The following PLXDC2 variants were observed in gnomAD, a reference collection of about 807,000 sequenced individuals.
PLXDC2 encodes plexin domain containing 2.
Under a neutral mutation model 68.9 loss-of-function variants are expected in PLXDC2, and 40 were observed. The observed-to-expected ratio is 0.58, with a 90% CI of 0.45 to 0.76. The LOEUF is 0.76. Ranked by LOEUF, PLXDC2 falls within the 30% of genes least tolerant of loss-of-function variation. PLXDC2 has a pLI of 0.00. For synonymous variants in PLXDC2, 243 were observed against 234.2 expected, an observed-to-expected ratio of 1.04 and a Z score of -0.34; for missense variants, 644 against 661.9, an observed-to-expected ratio of 0.97 and a Z score of 0.30.
At chr10:20,157,973 A>G (rs1035147120) in intron 6 of PLXDC2, among the ~76,000 whole-genome samples, 4 of 152,164 alleles carry the variant, frequency 2.6e-5, no homozygotes, top group African/African-American at 9.7e-5. Flanking sequence ...GCGATTCAAT[A>G]CAGATCATAC....
intron 6 of PLXDC2, among the ~76,000 whole-genome samples, chr10:20,156,672 A>T (rs4518993): frequency 3.3e-5 from 5 of 151,982 alleles, no homozygotes; most frequent in Non-Finnish European, 7.4e-5. Flanking sequence ...AGATGGGGGC[A>T]GGAGGCATGT....
At chr10:19,954,032 C>T (rs1156262863) in intron 1 of PLXDC2, among the ~76,000 whole-genome samples, 1 of 151,968 alleles carries the variant, frequency 6.6e-6, no homozygotes, top group Non-Finnish European at 1.5e-5. Flanking sequence ...TAGTAATTTA[C>T]AGCAGTGATA....
chr10:20,211,832 T>C, intron 10 of PLXDC2, 103 bp downstream of exon 10: 1 of 1,084,998 alleles, frequency 9.2e-7, no homozygotes, highest in South Asian at 1.8e-5. Context: ...TAAAACTTAA[T>C]GAAAGGAGAA....
chr10:19,950,620 T>C (rs1242710841), intron 1 of PLXDC2, among the ~76,000 whole-genome samples: 1 of 152,212 alleles, frequency 6.6e-6, no homozygotes, highest in African/African-American at 2.4e-5. Flanking sequence ...AAACTACCAA[T>C]GACATTTTTG....
intron 2 of PLXDC2, among the ~76,000 whole-genome samples, chr10:20,030,236 A>G (rs903813579): frequency 6.6e-6 from 1 of 152,090 alleles, no homozygotes; most frequent in Non-Finnish European, 1.5e-5. Context: ...ACAACAAAAA[A>G]CTGGATGGCA....
chr10:19,885,910 T>C (rs1837837547), intron 1 of PLXDC2, among the ~76,000 whole-genome samples: 1 of 152,116 alleles, frequency 6.6e-6, no homozygotes, highest in Non-Finnish European at 1.5e-5. Flanking sequence ...GGTAGCTTGA[T>C]GGGGATGGCA....
At chr10:20,038,024 G>A (rs562064051) in intron 2 of PLXDC2, among the ~76,000 whole-genome samples, 1 of 152,106 alleles carries the variant, frequency 6.6e-6, no homozygotes, top group East Asian at 1.9e-4. Flanking sequence ...GCGGGCGGAT[G>A]ACGAGGTCAG....
intron 2 of PLXDC2, among the ~76,000 whole-genome samples, chr10:20,042,907 T>C (rs1184065391): frequency 1.3e-5 from 2 of 152,226 alleles, no homozygotes; most frequent in Admixed American, 6.5e-5. Flanking sequence ...TGCCACCTAC[T>C]TTCTCTAACA....
chr10:19,957,049 G>A (rs1196542313), intron 1 of PLXDC2, among the ~76,000 whole-genome samples: 1 of 152,092 alleles, frequency 6.6e-6, no homozygotes, highest in East Asian at 1.9e-4. Flanking sequence ...TTCATATAGG[G>A]CAACTCAATT....
chr10:20,149,768 T>A (rs894349140), intron 6 of PLXDC2, among the ~76,000 whole-genome samples: 18 of 152,192 alleles, frequency 1.2e-4, no homozygotes, highest in African/African-American at 3.4e-4. Flanking sequence ...TTTTATGGCC[T>A]CATAGTATTC....
chr10:20,198,409 A>T (rs1389924787), intron 9 of PLXDC2, among the ~76,000 whole-genome samples: 1 of 152,196 alleles, frequency 6.6e-6, no homozygotes, highest in Non-Finnish European at 1.5e-5. Context: ...GACTATAGAT[A>T]TAAATTTTGT....
At chr10:20,263,409 A>T (rs1399375524) in intron 13 of PLXDC2, among the ~76,000 whole-genome samples, 1 of 152,208 alleles carries the variant, frequency 6.6e-6, no homozygotes, top group Non-Finnish European at 1.5e-5. Flanking sequence ...AAAACACCTG[A>T]AGACAACCTA....
intron 1 of PLXDC2, among the ~76,000 whole-genome samples, chr10:19,856,913 G>T (rs571362581): frequency 4.4e-4 from 67 of 152,220 alleles, no homozygotes; most frequent in African/African-American, 1.5e-3. Context: ...TTCCTTACTG[G>T]AAATCATCAG....
In PLXDC2 at chr10:20,126,402, T is replaced by TGTATATACAACACACGTTATATAC. The variant is rs1564324998; in HGVS notation, c.542-16870_542-16869insCGTATATACAACACACGTTATATA. Among the ~76,000 whole-genome samples the TGTATATACAACACACGTTATATAC allele has an allele frequency of 2.9e-4, 41 of 142,874 alleles. 2 individuals are homozygous for TGTATATACAACACACGTTATATAC. Among genetic ancestry groups the TGTATATACAACACACGTTATATAC allele is most frequent in the African/African-American group, 1.0e-3 (38 of 38,048 alleles). The allele number at this position is 142,874 out of a possible 152,430, so 93.7% of individuals were successfully genotyped here. A position where few individuals can be genotyped will look rare whatever the true frequency, so the allele number is the denominator to read the frequency against. On this transcript the variant is annotated intron_variant, in intron 4 of 13. Coordinates refer to ENST00000377252, the MANE Select transcript of PLXDC2 (RefSeq NM_032812.9). ...ACATATGTGTTATATAATACATATA[T>TGTATATACAACACACGTTATATAC]GTATATACAACACACGTTATATATG...
At chr10:19,901,523 C>A (rs1003538738) in intron 1 of PLXDC2, among the ~76,000 whole-genome samples, 1 of 151,710 alleles carries the variant, frequency 6.6e-6, no homozygotes, top group Non-Finnish European at 1.5e-5. Flanking sequence ...TTGATGGGAT[C>A]ATTTGTTTTT....
chr10:20,268,796 C>T (rs1835900929), intron 13 of PLXDC2, among the ~76,000 whole-genome samples: 1 of 152,176 alleles, frequency 6.6e-6, no homozygotes, highest in Non-Finnish European at 1.5e-5. Flanking sequence ...TATTTATGAC[C>T]AGTGCAGCAC....
chr10:20,249,668 C>T (rs750025533), intron 13 of PLXDC2, among the ~76,000 whole-genome samples: 1 of 152,166 alleles, frequency 6.6e-6, no homozygotes, highest in Non-Finnish European at 1.5e-5. Flanking sequence ...AGGTCCTTAA[C>T]TGAACCACAT....
At chr10:19,965,726 G>T (rs1030818206) in intron 1 of PLXDC2, among the ~76,000 whole-genome samples, 1 of 147,746 alleles carries the variant, frequency 6.8e-6, no homozygotes, top group South Asian at 2.3e-4. Flanking sequence ...TTTGGGGGGG[G>T]GGGTTACATA....
intron 1 of PLXDC2, among the ~76,000 whole-genome samples, chr10:19,953,803 G>A (rs34521919): frequency 0.19 from 29,505 of 151,794 alleles, 3,590 homozygotes; most frequent in Middle Eastern, 0.33. Context: ...TTTCCTTAAT[G>A]TGAAATGAAA....
Sources: gnomAD v4.1 joint callset for allele counts (sites outside exome capture counted in the v4.1 genomes callset) on GRCh38, gnomAD v4.1.1 for gene constraint, MANE v1.5 for transcripts, NCBI Gene and HGNC (gene_info 2026-07-23, HGNC 2026-07-21) for gene names.